Variants in ABCA4 observed in about 807,000 individuals in gnomAD.
ABCA4 encodes the protein retinal-specific phospholipid-transporting ATPase ABCA4.
ABCA4 carries 196 observed loss-of-function variants against 263.7 expected under a neutral mutation model. The observed-to-expected ratio is 0.74, with a 90% CI of 0.66 to 0.84. The LOEUF (loss-of-function observed/expected upper bound fraction) is 0.84, where lower values mean the gene tolerates loss of function less well. Among genes scored for constraint, ABCA4 ranks in the 40% least tolerant of loss-of-function variants. The pLI is 0.00. For missense variants in ABCA4, 2,792 were observed against 2,855.1 expected (o/e 0.98, Z 0.50); for synonymous variants, 1,133 against 1,094.2 (o/e 1.04, Z -0.70).
Position 94,010,964 on chromosome 1 carries a change from G to A in ABCA4, c.5585-35C>T, listed in dbSNP as rs199915692. On this transcript the variant is annotated intron_variant, in intron 39 of 49. Transcript: ENST00000370225. ...AACAGGAATTGAGTCCACTTCAGCCGCCCCAGCTCACCCCACAGACCTGGC... is the reference window on the plus strand; with the variant it reads ...AACAGGAATTGAGTCCACTTCAGCCACCCCAGCTCACCCCACAGACCTGGC... 266 of 1,613,616 alleles carry A rather than the reference G, an allele frequency of 1.6e-4. No individual in the cohort carries two copies. In the Middle Eastern group the frequency reaches 5.0e-3, roughly 30 times the overall value.
intron 43 of ABCA4, among the ~76,000 whole-genome samples, chr1:94,007,214 C>A (rs1659415353): frequency 6.6e-6 from 1 of 152,180 alleles, no homozygotes; most frequent in Non-Finnish European, 1.5e-5. Context: ...AGAGCTCCTG[C>A]AGGATCATAA....
In ABCA4 at chr1:94,051,631, A is replaced by G. The variant is rs762823337; in HGVS notation, c.2653+2T>C. 1.2e-6 allele frequency: 2 copies of G among 1,612,942 alleles called. No homozygotes were observed. The highest frequency in any genetic ancestry group is 1.7e-6 in the Non-Finnish European group (2 of 1,178,886). On this transcript the variant is annotated splice_donor_variant, in intron 17 of 49. Transcript: ENST00000370225. LOFTEE classifies it high-confidence loss of function. ...TTAAGATTTGTGTTTTAAAGGACTC[A>G]CCTTCACCGCCAAGCCAATACGACT... is the stretch of plus-strand genomic sequence containing the variant.
chr1:94,117,231 A>G (rs1662816157), intron 1 of ABCA4, among the ~76,000 whole-genome samples: 1 of 151,960 alleles, frequency 6.6e-6, no homozygotes, highest in Non-Finnish European at 1.5e-5. Flanking sequence ...ATTTAACAGA[A>G]GGCAGCCAAG....
At chr1:94,118,341 G>A (rs1337242448) in intron 1 of ABCA4, among the ~76,000 whole-genome samples, 2 of 152,192 alleles carry the variant, frequency 1.3e-5, no homozygotes, top group Non-Finnish European at 2.9e-5. Context: ...GGGATTGGGA[G>A]CTGAGGAATG....
At chr1:94,090,734 TTTTG>T (rs1379546197) in intron 6 of ABCA4, among the ~76,000 whole-genome samples, 1 of 152,254 alleles carries the variant, frequency 6.6e-6, no homozygotes, top group Non-Finnish European at 1.5e-5. Flanking sequence ...ATAGGTTTTA[TTTTG>T]TTTGTCTTTT....
intron 32 of ABCA4, among the ~76,000 whole-genome samples, chr1:94,022,283 T>G (rs374034732): frequency 6.6e-6 from 1 of 152,228 alleles, no homozygotes; most frequent in Non-Finnish European, 1.5e-5. Flanking sequence ...ACTGCCTGCA[T>G]GTCTCTGCCT....
In ABCA4 at chr1:94,045,180, G is replaced by A. The variant is rs774015416; in HGVS notation, c.2919-436C>T. 1.2e-3 allele frequency among the ~76,000 whole-genome samples: 184 copies of A among 152,328 alleles called. 1 individual carries two copies. Among genetic ancestry groups the A allele is most frequent in the Admixed American group, 3.9e-3 (60 of 15,310 alleles). On this transcript the variant is annotated intron_variant, in intron 19 of 49. Transcript: ENST00000370225. ...CAGGTGTCATCATCATAAAGCCCGG[G>A]TAAGGTCTTGATGAAGGCCAGAACC... is the stretch of plus-strand genomic sequence containing the variant.
At chr1:94,060,334 T>C (rs1187475757) in intron 14 of ABCA4, among the ~76,000 whole-genome samples, 1 of 152,034 alleles carries the variant, frequency 6.6e-6, no homozygotes, top group African/African-American at 2.4e-5. Flanking sequence ...AAGTGGGAGA[T>C]GGGAGGATGC....
rs1441088733 is a variant in ABCA4, at chr1:94,021,305, C to T, written c.4953G>A (p.Glu1651=). The change falls in exon 35 of 50, where the codon GAG becomes GAA. Residue 1651 remains glutamate, a synonymous_variant. Coordinates refer to ENST00000370225, the MANE Select transcript of ABCA4 (RefSeq NM_000350.3). ...ASLPKDRSPE[E]YGITVISQPL... ...GTTGGCTAATGACGGTGATTCCATA[C>T]TCCTCGGGGCTCCTGTCCTTAGGCA... 16 of 1,614,220 alleles carry T rather than the reference C, an allele frequency of 9.9e-6. No individual in the cohort carries two copies. Among genetic ancestry groups the T allele is most frequent in the East Asian group, 2.2e-5 (1 of 44,890 alleles).
chr1:94,032,348 C>A (rs1320580971), intron 26 of ABCA4, among the ~76,000 whole-genome samples: 1 of 152,088 alleles, frequency 6.6e-6, no homozygotes, highest in East Asian at 1.9e-4. Context: ...AATAAAAAAA[C>A]AAAACTGGCT....
chr1:94,058,024 G>A (rs181816428), intron 14 of ABCA4, among the ~76,000 whole-genome samples: 1 of 152,334 alleles, frequency 6.6e-6, no homozygotes, highest in East Asian at 1.9e-4. Context: ...TCTGTGATGG[G>A]CATGCGAGAG....
intron 30 of ABCA4, among the ~76,000 whole-genome samples, chr1:94,028,297 C>G (rs17110889): frequency 0.085 from 12,926 of 152,192 alleles, 738 homozygotes; most frequent in Middle Eastern, 0.2. Flanking sequence ...TTATCAACCA[C>G]GGACACAGCC....
At chr1:94,022,042 T>A in intron 32 of ABCA4, 91 bp from the exon 33 acceptor site, 1 of 1,078,766 alleles carries the variant, frequency 9.3e-7, no homozygotes, top group Non-Finnish European at 1.4e-6. Context: ...ACATGAACTT[T>A]CGGGGGAATT....
chr1:94,079,270 C>A, intron 9 of ABCA4, 52 bp downstream of exon 9: 1 of 1,610,514 alleles, frequency 6.2e-7, no homozygotes, highest in Non-Finnish European at 8.5e-7. Context: ...CACACACACA[C>A]ACACTTCTGG....
chr1:94,031,422 T>G (rs1660198713), intron 27 of ABCA4, among the ~76,000 whole-genome samples: 3 of 152,232 alleles, frequency 2.0e-5, no homozygotes, highest in South Asian at 4.1e-4. Flanking sequence ...AACCAGAGCT[T>G]CTTTTTCTAA....
chr1:94,066,670 C>T (rs1661276952), intron 11 of ABCA4, among the ~76,000 whole-genome samples: 1 of 152,242 alleles, frequency 6.6e-6, no homozygotes, highest in Non-Finnish European at 1.5e-5. Flanking sequence ...GCAGAGCCTG[C>T]ATCCGTGTCT....
At chr1:94,108,354 C>T (rs564992877) in intron 4 of ABCA4, among the ~76,000 whole-genome samples, 4 of 152,296 alleles carry the variant, frequency 2.6e-5, no homozygotes, top group South Asian at 2.1e-4. Flanking sequence ...CTAGACTTAA[C>T]GTGGATGAGA....
Position 94,044,672 on chromosome 1 carries a change from G to T in ABCA4, c.2991C>A (p.Ser997Arg). The T allele has an allele frequency of 6.2e-7, 1 of 1,614,192 alleles. No homozygotes were observed. Residue 997 changes from serine (S) to arginine (R), a missense_variant, in exon 20 of 50, where the codon AGC becomes AGA. Transcript: ENST00000370225. ...VLVGGRDIET[S>R]LDAVRQSLGM... is the part of the protein sequence containing the mutation. ...CAAGGCTCTGCCGGACTGCATCCAG[G>T]CTGGTTTCAATGTCCCTTCCCCCAA...
intron 36 of ABCA4, among the ~76,000 whole-genome samples, chr1:94,016,094 A>G (rs946037239): frequency 5.9e-5 from 9 of 152,216 alleles, no homozygotes; most frequent in Non-Finnish European, 1.3e-4. Flanking sequence ...GAAAGGATCA[A>G]TTACAAAATT....
Sources: gnomAD v4.1 joint callset for allele counts (sites outside exome capture counted in the v4.1 genomes callset) on GRCh38, gnomAD v4.1.1 for gene constraint, MANE v1.5 for transcripts, NCBI Gene and HGNC (gene_info 2026-07-23, HGNC 2026-07-21) for gene names.